The following TMTC2 variants were observed in gnomAD, a reference collection of about 807,000 sequenced individuals.
TMTC2 encodes transmembrane O-mannosyltransferase targeting cadherins 2, also known as protein O-mannosyl-transferase TMTC2.
In TMTC2, 43 loss-of-function variants were observed where a neutral mutation model predicts 82.4. That is an observed-to-expected ratio of 0.52 (90% confidence interval 0.41 to 0.67). The LOEUF (loss-of-function observed/expected upper bound fraction) is 0.67. Among genes scored for constraint, TMTC2 ranks in the 30% least tolerant of loss-of-function variants. TMTC2 has a pLI of 0.00. For synonymous variants in TMTC2, 408 were observed against 381.9 expected, an observed-to-expected ratio of 1.07 and a Z score of -0.80; for missense variants, 919 against 1,012.4, an observed-to-expected ratio of 0.91 and a Z score of 1.25.
At chr12:83,020,607 G>A (rs1016914033) in intron 8 of TMTC2, among the ~76,000 whole-genome samples, 2 of 152,152 alleles carry the variant, frequency 1.3e-5, no homozygotes, top group Non-Finnish European at 2.9e-5. Context: ...GATTATGGAT[G>A]GATAACCCTT....
chr12:82,895,433 C>A (rs1396484449), intron 2 of TMTC2, among the ~76,000 whole-genome samples: 1 of 152,042 alleles, frequency 6.6e-6, no homozygotes, highest in Non-Finnish European at 1.5e-5. Context: ...TTATTAGGTG[C>A]CTTTATCTTA....
At chr12:82,765,702 C>CA (rs201440817) in intron 1 of TMTC2, among the ~76,000 whole-genome samples, 20,748 of 138,220 alleles carry the variant, frequency 0.15, 1,470 homozygotes, top group Middle Eastern at 0.33. Flanking sequence ...CAAAACAAAA[C>CA]AAACAAACAA....
intron 1 of TMTC2, among the ~76,000 whole-genome samples, chr12:82,850,156 G>T (rs994048373): frequency 1.3e-5 from 2 of 151,844 alleles, no homozygotes; most frequent in East Asian, 1.9e-4. Context: ...AAAAGGAGGG[G>T]GTCTGCAAAA....
intron 11 of TMTC2, among the ~76,000 whole-genome samples, chr12:83,094,455 G>A (rs144090545): frequency 8.7e-4 from 133 of 152,236 alleles, no homozygotes; most frequent in Admixed American, 4.2e-3. Flanking sequence ...GCAAATCAGC[G>A]GCGAGATTAT....
At chr12:83,028,943 T>G (rs1881297380) in intron 8 of TMTC2, among the ~76,000 whole-genome samples, 1 of 152,166 alleles carries the variant, frequency 6.6e-6, no homozygotes, top group South Asian at 2.1e-4. Flanking sequence ...TGACAAGACT[T>G]GTGATTTAAC....
intron 1 of TMTC2, among the ~76,000 whole-genome samples, chr12:82,796,409 A>C (rs1252703447): frequency 6.6e-6 from 1 of 152,140 alleles, no homozygotes; most frequent in African/African-American, 2.4e-5. Flanking sequence ...TAGTAGTGAA[A>C]AATTTCAAGA....
chr12:83,067,375 T>C (rs1882955677), intron 11 of TMTC2, among the ~76,000 whole-genome samples: 1 of 152,004 alleles, frequency 6.6e-6, no homozygotes, highest in Non-Finnish European at 1.5e-5. Flanking sequence ...TTTGTGTCTG[T>C]GTGTTAAATA....
chr12:83,082,659 A>C (rs1883511966), intron 11 of TMTC2, among the ~76,000 whole-genome samples: 1 of 152,222 alleles, frequency 6.6e-6, no homozygotes, highest in Non-Finnish European at 1.5e-5. Context: ...AACAGCATCA[A>C]ATTTATTAAA....
rs12582558 is a variant in TMTC2 at position 82,980,155 on chromosome 12, T to C, written c.1949-5770T>C. Among the ~76,000 whole-genome samples the C allele has an allele frequency of 5.9e-4, 90 of 151,910 alleles. 1 individual carries two copies. The East Asian group carries it at 0.015, about 25-fold the overall frequency. ...CATAATTATGAATAATTTCAATAGG[T>C]AGATAAACCAAATTCATCAATCAAT... On this transcript the variant is annotated intron_variant, in intron 7 of 11. Transcript: ENST00000321196.
At chr12:82,970,933 A>G (rs915304543) in intron 7 of TMTC2, among the ~76,000 whole-genome samples, 6 of 152,124 alleles carry the variant, frequency 3.9e-5, no homozygotes, top group Admixed American at 1.3e-4. Context: ...AGATTGTCCT[A>G]TGTAGGTTAG....
chr12:82,834,231 G>A (rs1192385608), intron 1 of TMTC2, among the ~76,000 whole-genome samples: 5 of 152,162 alleles, frequency 3.3e-5, no homozygotes, highest in Admixed American at 2.6e-4. Context: ...CAGATATCAT[G>A]GACGTTCTAT....
At chr12:83,028,822 A>C (rs1456878029) in intron 8 of TMTC2, among the ~76,000 whole-genome samples, 1 of 152,182 alleles carries the variant, frequency 6.6e-6, no homozygotes, top group African/African-American at 2.4e-5. Context: ...AATTCTTCTT[A>C]TTTTTAACTT....
intron 11 of TMTC2, among the ~76,000 whole-genome samples, chr12:83,079,761 G>A (rs1350135634): frequency 6.6e-6 from 1 of 152,034 alleles, no homozygotes; most frequent in Non-Finnish European, 1.5e-5. Flanking sequence ...ATTTCTGTAG[G>A]TCACTCTACC....
chr12:82,805,697 G>T (rs1457644100), intron 1 of TMTC2, among the ~76,000 whole-genome samples: 1 of 151,522 alleles, frequency 6.6e-6, no homozygotes, highest in East Asian at 1.9e-4. Context: ...AGTAGAGACG[G>T]GGTTTCACCC....
At chr12:82,761,817 A>G (rs1876648555) in intron 1 of TMTC2, among the ~76,000 whole-genome samples, 1 of 152,048 alleles carries the variant, frequency 6.6e-6, no homozygotes. Flanking sequence ...TCATCTTCTT[A>G]CAGCCGCTTA....
chr12:82,806,243 GA>G (rs1240261436), intron 1 of TMTC2, among the ~76,000 whole-genome samples: 21 of 152,006 alleles, frequency 1.4e-4, no homozygotes, highest in African/African-American at 5.1e-4. Context: ...TGCCAACTCT[GA>G]CAGCATTTTT....
In TMTC2 at chr12:83,079,954, G is replaced by A. The variant is rs146825038; in HGVS notation, c.2331+18123G>A. Among the ~76,000 whole-genome samples, 1,261 of 152,172 alleles carry A rather than the reference G, an allele frequency of 8.3e-3. 17 individuals carry two copies. Among genetic ancestry groups the A allele is most frequent in the African/African-American group, 0.028 (1,175 of 41,524 alleles). ...GAGAAATAGATTCCTTAGGCCTTGA[G>A]GATGGAATTATTTTGCTACCAAAGG... On this transcript the variant is annotated intron_variant, in intron 11 of 11. Transcript: ENST00000321196.
At chr12:83,024,881 T>C (rs951786319) in intron 8 of TMTC2, among the ~76,000 whole-genome samples, 6 of 152,284 alleles carry the variant, frequency 3.9e-5, no homozygotes, top group African/African-American at 1.2e-4. Flanking sequence ...GTAGTAACTA[T>C]AAACTATTAA....
chr12:82,814,951 T>A (rs576319401), intron 1 of TMTC2, among the ~76,000 whole-genome samples: 1 of 152,076 alleles, frequency 6.6e-6, no homozygotes, highest in Non-Finnish European at 1.5e-5. Context: ...GAAAACTGAG[T>A]TACATATGGA....
Sources: allele counts gnomAD v4.1 joint callset (sites outside exome capture counted in the v4.1 genomes callset), GRCh38; gene constraint gnomAD v4.1.1; transcripts MANE v1.5; gene names NCBI Gene and HGNC (gene_info 2026-07-23, HGNC 2026-07-21).